The following CRB1 variants were observed in gnomAD, a reference collection of about 807,000 sequenced individuals.
CRB1 encodes the protein crumbs cell polarity complex component 1, also known as protein crumbs homolog 1.
In CRB1, 83 loss-of-function variants were observed where a neutral mutation model predicts 120.0. The observed-to-expected ratio is 0.69, with a 90% CI of 0.58 to 0.83. The LOEUF is 0.83. Ranked by LOEUF, CRB1 falls within the 40% of genes least tolerant of loss-of-function variation. The pLI, the probability that CRB1 is intolerant of heterozygous loss-of-function variation, is 0.00. For missense variants in CRB1, 1,699 were observed against 1,687.6 expected (o/e 1.01, Z -0.12); for synonymous variants, 625 against 612.5 (o/e 1.02, Z -0.30).
chr1:197,255,965 T>TTATATA, the CRB1 span, among the ~76,000 whole-genome samples: 5,212 of 85,168 alleles, frequency 0.061, 281 homozygotes, highest in Middle Eastern at 0.13. Flanking sequence ...ATAGAACATT[T>TTATATA]TATATATATA....
chr1:197,291,117 A>G (rs1263320743), intron 1 of CRB1, among the ~76,000 whole-genome samples: 3 of 151,866 alleles, frequency 2.0e-5, no homozygotes, highest in African/African-American at 7.2e-5. Flanking sequence ...AATAACTTCA[A>G]GAGCTAGGAT....
intron 5 of CRB1, among the ~76,000 whole-genome samples, chr1:197,373,958 C>T (rs1332928477): frequency 6.6e-6 from 1 of 151,942 alleles, no homozygotes; most frequent in African/African-American, 2.4e-5. Flanking sequence ...AATGGTAGTC[C>T]CAAGAGAGGG....
chr1:197,294,437 G>A (rs1656390791), intron 1 of CRB1, among the ~76,000 whole-genome samples: 1 of 152,138 alleles, frequency 6.6e-6, no homozygotes, highest in East Asian at 1.9e-4. Flanking sequence ...TGGAGAAATA[G>A]GAACACTTAC....
intron 5 of CRB1, among the ~76,000 whole-genome samples, chr1:197,397,514 A>G (rs932994434): frequency 1.3e-5 from 2 of 152,190 alleles, no homozygotes; most frequent in African/African-American, 4.8e-5. Flanking sequence ...CTGTACACAA[A>G]TGATTATTTC....
At chr1:197,203,991 T>A in the CRB1 span, among the ~76,000 whole-genome samples, 1 of 152,194 alleles carries the variant, frequency 6.6e-6, no homozygotes, top group African/African-American at 2.4e-5. Flanking sequence ...GTATTATTCT[T>A]ATGCCTTTGC....
At chr1:197,283,245 C>CT (rs935721116) in intron 1 of CRB1, among the ~76,000 whole-genome samples, 13 of 149,660 alleles carry the variant, frequency 8.7e-5, no homozygotes, top group African/African-American at 1.7e-4. Context: ...ATTTTTTTTT[C>CT]TTTTTTTTTC....
chr1:197,430,981 G>A (rs912574234), intron 8 of CRB1, among the ~76,000 whole-genome samples: 6 of 151,908 alleles, frequency 3.9e-5, no homozygotes, highest in Non-Finnish European at 8.8e-5. Context: ...TGGGAGGACT[G>A]CTTGAGCCCA....
At chr1:197,407,249 A>G (rs1015014302) in intron 5 of CRB1, among the ~76,000 whole-genome samples, 1 of 152,256 alleles carries the variant, frequency 6.6e-6, no homozygotes, top group African/African-American at 2.4e-5. Flanking sequence ...GGACATAATG[A>G]AATCTACTCA....
intron 5 of CRB1, among the ~76,000 whole-genome samples, chr1:197,381,994 T>C (rs1661980833): frequency 6.6e-6 from 1 of 152,184 alleles, no homozygotes; most frequent in Non-Finnish European, 1.5e-5. Flanking sequence ...GCTCAGGATG[T>C]AATTTTCGAA....
chr1:197,473,098 T>C (rs1366309402), intron 11 of CRB1, among the ~76,000 whole-genome samples: 3 of 152,150 alleles, frequency 2.0e-5, no homozygotes, highest in Non-Finnish European at 4.4e-5. Context: ...GTGGCAGAGG[T>C]AGGGCTGCAT....
intron 11 of CRB1, among the ~76,000 whole-genome samples, chr1:197,474,337 C>A (rs1667111183): frequency 1.3e-5 from 2 of 152,200 alleles, no homozygotes; most frequent in South Asian, 4.1e-4. Flanking sequence ...AAACCCAGGT[C>A]TCTGCCTCTG....
the CRB1 span, among the ~76,000 whole-genome samples, chr1:197,247,252 T>C: frequency 6.6e-6 from 1 of 152,056 alleles, no homozygotes; most frequent in Non-Finnish European, 1.5e-5. Context: ...GTCAAAATGT[T>C]CCCCAGGAAA....
the CRB1 span, among the ~76,000 whole-genome samples, chr1:197,216,905 A>G: frequency 6.6e-6 from 1 of 152,158 alleles, no homozygotes; most frequent in Non-Finnish European, 1.5e-5. Flanking sequence ...AGCCCTTCTC[A>G]TAAAAGTCCC....
At position 197,427,875 on chromosome 1, in the gene CRB1, C is replaced by T; in HGVS notation, c.2550C>T (p.Gly850=). 1 of 1,614,014 alleles carries T rather than the reference C, an allele frequency of 6.2e-7. No individual in the cohort carries two copies. The highest frequency in any genetic ancestry group is 8.5e-7 in the Non-Finnish European group (1 of 1,179,964). ...ETELNGGFFK[G]CIQDVRLNNQ... is the part of the protein sequence containing the mutation. ...AACTTAATGGTGGATTCTTCAAAGG[C>T]TGTATCCAAGATGTAAGACTAAACA... The change falls in exon 7 of 12, where the codon GGC becomes GGT. Residue 850 remains glycine, a synonymous_variant. Transcript: ENST00000367400.
chr1:197,353,835 A>C (rs939513625), intron 4 of CRB1, among the ~76,000 whole-genome samples: 83 of 150,520 alleles, frequency 5.5e-4, no homozygotes, highest in African/African-American at 1.4e-3. Flanking sequence ...AAAAAAAAAA[A>C]AACTTTATAC....
At chr1:197,231,217 T>C in the CRB1 span, among the ~76,000 whole-genome samples, 2 of 152,226 alleles carry the variant, frequency 1.3e-5, no homozygotes, top group Non-Finnish European at 2.9e-5. Context: ...CAATTCCTGC[T>C]TCATTTTAAA....
intron 2 of CRB1, among the ~76,000 whole-genome samples, chr1:197,332,905 G>A (rs1377548577): frequency 6.6e-6 from 1 of 152,158 alleles, no homozygotes; most frequent in Non-Finnish European, 1.5e-5. Context: ...CCCAAAGAAG[G>A]TCTGTAGAAC....
intron 6 of CRB1, among the ~76,000 whole-genome samples, chr1:197,424,642 T>A (rs538301625): frequency 6.6e-6 from 1 of 152,202 alleles, no homozygotes; most frequent in Non-Finnish European, 1.5e-5. Context: ...TAATACAACA[T>A]TGACTTTTTG....
chr1:197,354,328 G>A (rs1201315046), intron 4 of CRB1, among the ~76,000 whole-genome samples: 4 of 152,184 alleles, frequency 2.6e-5, no homozygotes, highest in Non-Finnish European at 4.4e-5. Context: ...TACACAGACA[G>A]CCATGTATAA....
Sources: allele counts gnomAD v4.1 joint callset (sites outside exome capture counted in the v4.1 genomes callset), GRCh38; gene constraint gnomAD v4.1.1; transcripts MANE v1.5; gene names NCBI Gene and HGNC (gene_info 2026-07-23, HGNC 2026-07-21).